The following CD163L1 variants were observed in gnomAD, a reference collection of about 807,000 sequenced individuals.
CD163L1 encodes scavenger receptor cysteine-rich type 1 protein M160.
CD163L1 carries 124 observed loss-of-function variants against 165.4 expected under a neutral mutation model. That is an observed-to-expected ratio of 0.75 (90% CI 0.65 to 0.87). The LOEUF is 0.87. Among genes scored for constraint, CD163L1 ranks in the 40% least tolerant of loss-of-function variants. The pLI is 0.00. For synonymous variants in CD163L1, 585 were observed against 662.2 expected (o/e 0.88, Z 1.79); for missense variants, 1,525 against 1,799.9 (o/e 0.85, Z 2.76).
the CD163L1 span, among the ~76,000 whole-genome samples, chr12:7,330,260 T>C: frequency 6.6e-6 from 1 of 152,228 alleles, no homozygotes; most frequent in African/African-American, 2.4e-5. Flanking sequence ...TATTCCTATG[T>C]TCACTAGCCA....
intron 5 of CD163L1, among the ~76,000 whole-genome samples, chr12:7,404,553 TTAAA>T (rs955648347): frequency 1.3e-5 from 2 of 152,134 alleles, no homozygotes; most frequent in African/African-American, 2.4e-5. Flanking sequence ...AATAAATATA[TTAAA>T]TAACCCCAAG....
In CD163L1 at chr12:7,432,728, T is replaced by G; in HGVS notation, c.454A>C (p.Asn152His). The G allele has an allele frequency of 6.3e-7, 1 of 1,598,648 alleles. No individual in the cohort carries two copies. Among genetic ancestry groups the G allele is most frequent in the South Asian group, 1.1e-5 (1 of 88,850 alleles). Residue 152 changes from asparagine to histidine, a missense_variant, in exon 4 of 20, where the codon AAT (asparagine) becomes CAT (histidine). Coordinates refer to ENST00000313599, the MANE Select transcript of CD163L1 (RefSeq NM_174941.6). This position sits in a 1 kb window ranked among gnomAD's most constrained non-coding sequence, Gnocchi z 4.2. ...DVGVNCYGEA[N>H]LGLRLVDGNN... ...CCATCCACTAGCCTCAAACCCAGAT[T>G]GGCTTCACCTACGAGAAAGACAAGC...
intron 8 of CD163L1, among the ~76,000 whole-genome samples, chr12:7,393,975 C>T (rs146567991): frequency 0.065 from 9,812 of 152,058 alleles, 656 homozygotes; most frequent in Admixed American, 0.21. Context: ...GAATCAATAT[C>T]GTGAAAATGG....
chr12:7,425,172 G>T (rs1236412537), intron 4 of CD163L1, among the ~76,000 whole-genome samples: 5 of 151,902 alleles, frequency 3.3e-5, no homozygotes, highest in African/African-American at 1.2e-4. Flanking sequence ...GCCTCAGAAA[G>T]AACACAACAC....
chr12:7,328,137 G>A, the CD163L1 span: 14 of 534,496 alleles, frequency 2.6e-5, no homozygotes, highest in Admixed American at 3.4e-5. Flanking sequence ...ATAAACAGAC[G>A]TTTCTGGTGT....
At chr12:7,430,511 TA>T (rs1244712907) in intron 4 of CD163L1, among the ~76,000 whole-genome samples, 2 of 152,210 alleles carry the variant, frequency 1.3e-5, no homozygotes, top group Non-Finnish European at 2.9e-5. Context: ...AGTTAAAACA[TA>T]AACATGTATA....
chr12:7,327,005 A>G, the CD163L1 span: 1 of 1,612,282 alleles, frequency 6.2e-7, no homozygotes, highest in Non-Finnish European at 8.5e-7. Flanking sequence ...TCTTAGCTGC[A>G]CCCTTTAAGT....
intron 4 of CD163L1, among the ~76,000 whole-genome samples, chr12:7,418,063 C>T (rs569195965): frequency 6.6e-6 from 1 of 151,928 alleles, no homozygotes; most frequent in Non-Finnish European, 1.5e-5. Context: ...AAATTTTACC[C>T]AACAACTGCA....
chr12:7,359,990 T>C (rs894700173), intron 18 of CD163L1, among the ~76,000 whole-genome samples: 6 of 152,168 alleles, frequency 3.9e-5, no homozygotes, highest in African/African-American at 1.4e-4. Context: ...TCTGGGAATG[T>C]ATATATTTAG....
intron 4 of CD163L1, among the ~76,000 whole-genome samples, chr12:7,424,191 G>A (rs903229038): frequency 2.6e-5 from 4 of 151,812 alleles, no homozygotes; most frequent in African/African-American, 7.3e-5. Context: ...ATCAATAAAC[G>A]TAATCCATCA....
chr12:7,357,446 T>TCTTCACAACCATGGTTGGGG lies in CD163L1; in HGVS notation c.4319_4320insCCCCAACCATGGTTGTGAAG (p.Ser1441ProfsTer36). On this transcript the variant is annotated frameshift_variant, in exon 19 of 20. Transcript: ENST00000313599. LOFTEE classifies it high-confidence loss of function. ...AGGCAGGAAGAACTCCCAACAGCGATGTGTCGCTAGCATCTTCACAACCAT... is the reference window on the plus strand; with the variant it reads ...AGGCAGGAAGAACTCCCAACAGCGATCTTCACAACCATGGTTGGGGGTGTCGCTAGCATCTTCACAACCAT... The TCTTCACAACCATGGTTGGGG allele has an allele frequency of 6.2e-7, 1 of 1,612,730 alleles. No homozygotes were observed.
In CD163L1 at chr12:7,373,506, T is replaced by G; in HGVS notation, c.3544A>C (p.Arg1182=). The G allele has an allele frequency of 6.2e-7, 1 of 1,614,210 alleles. No individual in the cohort carries two copies. The highest frequency in any genetic ancestry group is 8.5e-7 in the Non-Finnish European group (1 of 1,180,020). Residue 1182 remains arginine (R), a synonymous_variant, in exon 14 of 20, where the codon AGG becomes CGG. Transcript: ENST00000313599. Reference sequence around the variant, plus strand: ...CCATTCTCCCCACAGCCCAGCTGCCTGCACACAATGCCTGCTATGGCTGTG... The same window carrying G: ...CCATTCTCCCCACAGCCCAGCTGCCGGCACACAATGCCTGCTATGGCTGTG... ...ITTAIAGIVC[R]QLGCGENGVV...
At position 7,398,259 on chromosome 12, in the gene CD163L1, C is replaced by A; in HGVS notation, c.1729+5G>T. On this transcript the variant is annotated splice_donor_5th_base_variant and intron_variant, in intron 7 of 19. Coordinates refer to ENST00000313599, the MANE Select transcript of CD163L1 (RefSeq NM_174941.6). The surrounding 1 kb of genome is among the most constrained non-coding windows in gnomAD (Gnocchi z 4.5). ...CAGGAAATAATAAACAAGAACAAGT[C>A]TTACCTGAGCAGGTTACAATCACAT... 1 of 1,608,840 alleles carries A rather than the reference C, an allele frequency of 6.2e-7. No individual in the cohort carries two copies. The highest frequency in any genetic ancestry group is 8.5e-7 in the Non-Finnish European group (1 of 1,176,948).
intron 18 of CD163L1, among the ~76,000 whole-genome samples, chr12:7,366,018 G>A (rs1221368063): frequency 2.6e-5 from 4 of 152,044 alleles, no homozygotes; most frequent in Non-Finnish European, 5.9e-5. Context: ...AGTGTCCCTT[G>A]ATGAATGAAT....
chr12:7,328,345 T>G, the CD163L1 span: 1 of 1,594,584 alleles, frequency 6.3e-7, no homozygotes, highest in Non-Finnish European at 8.5e-7. Context: ...CGCAACGTTT[T>G]AAGAGACCAA....
At chr12:7,416,261 T>C (rs1948237479) in intron 4 of CD163L1, among the ~76,000 whole-genome samples, 1 of 152,228 alleles carries the variant, frequency 6.6e-6, no homozygotes, top group Admixed American at 6.5e-5. Flanking sequence ...CACCCACTTT[T>C]TGATGGGCTG....
At chr12:7,404,012 T>C (rs1010623979) in intron 5 of CD163L1, 157 bp from the exon 6 acceptor site, 3 of 528,230 alleles carry the variant, frequency 5.7e-6, no homozygotes, top group African/African-American at 3.9e-5. Context: ...TTTAAAATTT[T>C]AAAGATTGAA....
Position 7,375,795 on chromosome 12 carries a change from C to T in CD163L1, c.2591G>A (p.Cys864Tyr). The T allele has an allele frequency of 3.7e-6, 6 of 1,614,254 alleles. No homozygotes were observed. The highest frequency in any genetic ancestry group is 1.3e-5 in the African/African-American group (1 of 75,072). ...NGLTWAEKFQ[C>Y]EGSETHLALC... ...TGCAAGGTGAGTTTCACTCCCTTCA[C>T]ACTGGAACTTTTCGGCCCAAGTTAG... Residue 864 changes from cysteine (C) to tyrosine (Y), a missense_variant, in exon 10 of 20, where the codon TGT (cysteine) becomes TAT (tyrosine). By Grantham distance (194) the Cys-to-Tyr change is radical (BLOSUM62 -2). Transcript: ENST00000313599.
At chr12:7,414,760 T>C (rs1261503721) in intron 4 of CD163L1, among the ~76,000 whole-genome samples, 1 of 152,110 alleles carries the variant, frequency 6.6e-6, no homozygotes, top group Non-Finnish European at 1.5e-5. Context: ...ATCAATGAAT[T>C]TTCTCAACAG....
Sources: gnomAD v4.1 joint callset for allele counts (sites outside exome capture counted in the v4.1 genomes callset) on GRCh38, gnomAD v4.1.1 for gene constraint, Gnocchi (gnomAD v3.1) non-coding constraint, MANE v1.5 for transcripts, NCBI Gene and HGNC (gene_info 2026-07-23, HGNC 2026-07-21) for gene names.